The following DSCAM variants were observed in gnomAD, a reference collection of about 807,000 sequenced individuals.
DSCAM encodes the protein DS cell adhesion molecule, also known as cell adhesion molecule DSCAM.
A neutral mutation model predicts 217.7 loss-of-function variants in DSCAM; 47 were observed. That is an observed-to-expected ratio of 0.22 (90% CI 0.17 to 0.28). The LOEUF (loss-of-function observed/expected upper bound fraction) is 0.28, where lower values mean the gene tolerates loss of function less well. Among genes scored for constraint, DSCAM ranks in the 10% least tolerant of loss-of-function variants. The pLI is 1.00. For missense variants in DSCAM, 2,080 were observed against 2,618.3 expected (o/e 0.79, Z 4.49); for synonymous variants, 1,056 against 1,015.3 (o/e 1.04, Z -0.76).
intron 11 of DSCAM, among the ~76,000 whole-genome samples, chr21:40,246,196 T>C (rs1340501197): frequency 6.6e-6 from 1 of 151,240 alleles, no homozygotes; most frequent in African/African-American, 2.4e-5. Flanking sequence ...AAGAATCCCA[T>C]ACTCACTTCC....
chr21:40,334,408 T>C (rs1203837762), intron 8 of DSCAM, among the ~76,000 whole-genome samples: 3 of 152,196 alleles, frequency 2.0e-5, no homozygotes, highest in African/African-American at 7.2e-5. Flanking sequence ...AAGCCTGACC[T>C]GATCCTTGAT....
At chr21:40,147,170 G>C (rs2090366919) in intron 16 of DSCAM, among the ~76,000 whole-genome samples, 1 of 152,234 alleles carries the variant, frequency 6.6e-6, no homozygotes, top group African/African-American at 2.4e-5. Context: ...TTCACAGTAT[G>C]GGGGCTGTGG....
intron 1 of DSCAM, among the ~76,000 whole-genome samples, chr21:40,783,896 T>C (rs2123438560): frequency 6.6e-6 from 1 of 152,274 alleles, no homozygotes; most frequent in East Asian, 1.9e-4. Flanking sequence ...CTTCTCTTTC[T>C]TCACATACAG....
chr21:40,845,386 C>G (rs1289720705), intron 1 of DSCAM, among the ~76,000 whole-genome samples: 1 of 152,102 alleles, frequency 6.6e-6, no homozygotes, highest in East Asian at 1.9e-4. Flanking sequence ...TAGGCACTGT[C>G]TAGGTAGGCA....
intron 11 of DSCAM, among the ~76,000 whole-genome samples, chr21:40,218,079 T>G (rs189359374): frequency 4.7e-4 from 71 of 152,356 alleles, no homozygotes; most frequent in African/African-American, 1.6e-3. Flanking sequence ...TTGCCATTCC[T>G]GTGTCCAGGA....
In DSCAM at chr21:40,655,320, C is replaced by A. The variant is rs554299817; in HGVS notation, c.508+37490G>T. ...TTCTAAAGGCTGGGAAGTCCAACAT[C>A]AAGGCACAGACAGATTTGGTGTCTA... is the stretch of plus-strand genomic sequence containing the variant. On this transcript the variant is annotated intron_variant, in intron 3 of 32. Transcript: ENST00000400454. Among the ~76,000 whole-genome samples the A allele has an allele frequency of 1.2e-4, 18 of 152,280 alleles. No individual in the cohort carries two copies. The South Asian group carries it at 3.5e-3, about 30-fold the overall frequency.
At chr21:40,752,535 T>C (rs553604097) in intron 1 of DSCAM, among the ~76,000 whole-genome samples, 46 of 152,204 alleles carry the variant, frequency 3.0e-4, no homozygotes, top group African/African-American at 1.1e-3. Flanking sequence ...AAAAATACTT[T>C]TATAGATTGG....
intron 15 of DSCAM, among the ~76,000 whole-genome samples, chr21:40,176,931 G>GA (rs1237461058): frequency 1.2e-4 from 19 of 152,208 alleles, no homozygotes; most frequent in Non-Finnish European, 1.3e-4. Context: ...AGGAAACGAA[G>GA]AAAAAAGCAA....
chr21:40,144,427 CG>C lies in DSCAM; in HGVS notation c.3259+63del. ...GGGGAGTGCGAGGTTGGGGGAGCCC[CG>C]GGGCAGACCCGAGGGAACCTTTGCG... On this transcript the variant is annotated intron_variant, in intron 17 of 32. Transcript: ENST00000400454. This position sits in a 1 kb window ranked among gnomAD's most constrained non-coding sequence, Gnocchi z 4.8. 6.3e-7 allele frequency: 1 copy of C among 1,594,010 alleles called. No individual in the cohort carries two copies. Among genetic ancestry groups the C allele is most frequent in the Non-Finnish European group, 8.6e-7 (1 of 1,168,442 alleles).
At chr21:40,364,761 CATAT>C (rs35060347) in intron 4 of DSCAM, among the ~76,000 whole-genome samples, 4,891 of 139,520 alleles carry the variant, frequency 0.035, 119 homozygotes, top group African/African-American at 0.065. Context: ...AGTATATATA[CATAT>C]ATATATATAT....
chr21:40,589,971 A>G (rs1454034211), intron 3 of DSCAM, among the ~76,000 whole-genome samples: 1 of 152,228 alleles, frequency 6.6e-6, no homozygotes, highest in Non-Finnish European at 1.5e-5. Flanking sequence ...GTTTCTTTTA[A>G]GATGTAAAAA....
intron 3 of DSCAM, among the ~76,000 whole-genome samples, chr21:40,629,153 T>C: frequency 6.6e-6 from 1 of 152,006 alleles, no homozygotes; most frequent in South Asian, 2.1e-4. Flanking sequence ...ACTTAGGATG[T>C]TTACTCTACT....
intron 6 of DSCAM, among the ~76,000 whole-genome samples, chr21:40,346,767 T>G (rs538960968): frequency 6.6e-6 from 1 of 152,292 alleles, no homozygotes. Flanking sequence ...CTGAGAACAT[T>G]TGGATGGAAC....
intron 3 of DSCAM, among the ~76,000 whole-genome samples, chr21:40,599,149 T>G (rs1043859142): frequency 4.6e-5 from 7 of 152,204 alleles, no homozygotes; most frequent in Non-Finnish European, 8.8e-5. Context: ...ATCTTTGGCT[T>G]GTCTTTTAAC....
In DSCAM at chr21:40,493,875, A is replaced by AT. The variant is rs1453613615; in HGVS notation, c.509-124631_509-124630insA. Among the ~76,000 whole-genome samples the AT allele has an allele frequency of 5.8e-4, 79 of 135,126 alleles. 2 individuals are homozygous for AT. Among genetic ancestry groups the AT allele is most frequent in the African/African-American group, 1.3e-3 (44 of 34,710 alleles). The allele number at this position is 135,126 out of a possible 152,430, so 88.6% of individuals were successfully genotyped here. On this transcript the variant is annotated intron_variant, in intron 3 of 32. Transcript: ENST00000400454. Reference sequence around the variant, plus strand: ...CAAAACTCCATCTCAAAAAAAAAAAAAAAAATATATACATATATATACATA... The same window carrying AT: ...CAAAACTCCATCTCAAAAAAAAAAAATAAAAATATATACATATATATACATA...
chr21:40,061,437 C>T (rs905469749), intron 28 of DSCAM, among the ~76,000 whole-genome samples: 7 of 151,838 alleles, frequency 4.6e-5, no homozygotes, highest in Non-Finnish European at 8.8e-5. Flanking sequence ...GGCATGGTGG[C>T]GGGCGCCTGT....
intron 3 of DSCAM, among the ~76,000 whole-genome samples, chr21:40,525,011 A>G (rs1023886057): frequency 7.9e-6 from 1 of 126,526 alleles, no homozygotes; most frequent in Non-Finnish European, 1.6e-5. Flanking sequence ...CTCAGTCTCA[A>G]AAAAAAAAAA....
intron 11 of DSCAM, among the ~76,000 whole-genome samples, chr21:40,269,122 G>T (rs1444248068): frequency 6.6e-6 from 1 of 152,142 alleles, no homozygotes; most frequent in Non-Finnish European, 1.5e-5. Flanking sequence ...TCTCTCCTTA[G>T]CTAATTAGTT....
chr21:40,167,107 A>C, intron 16 of DSCAM, 111 bp downstream of exon 16: 1 of 975,386 alleles, frequency 1.0e-6, no homozygotes, highest in Admixed American at 2.6e-5. Context: ...TAATTTTGAA[A>C]AAATAAAAGT....
Sources: allele counts gnomAD v4.1 joint callset (sites outside exome capture counted in the v4.1 genomes callset), GRCh38; gene constraint gnomAD v4.1.1; non-coding constraint Gnocchi (gnomAD v3.1); transcripts MANE v1.5; gene names NCBI Gene and HGNC (gene_info 2026-07-23, HGNC 2026-07-21).